Variants in CAPS2 observed in about 807,000 individuals in gnomAD.
CAPS2 encodes calcyphosin-2.
A neutral mutation model predicts 86.5 loss-of-function variants in CAPS2; 98 were observed. That is an observed-to-expected ratio of 1.13 (90% CI 0.96 to 1.34). The LOEUF (loss-of-function observed/expected upper bound fraction) is 1.34. CAPS2 is among the 40% of genes most tolerant of loss of function. The pLI, the probability that CAPS2 is intolerant of heterozygous loss-of-function variation, is 0.00. For synonymous variants in CAPS2, 210 were observed against 225.1 expected (o/e 0.93, Z 0.60); for missense variants, 729 against 686.8 (o/e 1.06, Z -0.69).
chr12:75,361,449 T>A (rs1385340537), intron 1 of CAPS2, among the ~76,000 whole-genome samples: 1 of 152,230 alleles, frequency 6.6e-6, no homozygotes, highest in Non-Finnish European at 1.5e-5. Context: ...CCCAACCCTA[T>A]CTGCCTAGGC....
intron 16 of CAPS2, 147 bp from the exon 17 acceptor site, chr12:75,279,212 G>A: frequency 1.4e-6 from 1 of 735,230 alleles, no homozygotes; most frequent in Non-Finnish European, 2.1e-6. Context: ...ATTTACACAT[G>A]AACTGGAATT....
intron 2 of CAPS2, among the ~76,000 whole-genome samples, chr12:75,324,158 A>G (rs1187041445): frequency 1.3e-5 from 2 of 152,212 alleles, no homozygotes; most frequent in Admixed American, 6.5e-5. Context: ...CAGCCAAGAA[A>G]TCACTCATGT....
At chr12:75,360,938 C>T (rs1038569699) in intron 1 of CAPS2, 2 of 152,196 alleles carry the variant, frequency 1.3e-5, no homozygotes, top group African/African-American at 4.8e-5. Context: ...AGGCCCAACA[C>T]TGTTGCAGTC....
At chr12:75,372,685 C>G (rs2044438153) in intron 1 of CAPS2, among the ~76,000 whole-genome samples, 1 of 152,076 alleles carries the variant, frequency 6.6e-6, no homozygotes, top group African/African-American at 2.4e-5. Flanking sequence ...AGAACTTTGC[C>G]CCAGCTCTGT....
chr12:75,325,336 C>T, intron 1 of CAPS2, 48 bp from the exon 3 acceptor site: 1 of 1,270,106 alleles, frequency 7.9e-7, no homozygotes, highest in Middle Eastern at 2.6e-4. Flanking sequence ...TATGAATATA[C>T]CCTTTATACT....
intron 1 of CAPS2, chr12:75,373,369 T>A (rs991367718): frequency 7.2e-5 from 11 of 152,182 alleles, no homozygotes; most frequent in Non-Finnish European, 1.2e-4. Context: ...GATACATATA[T>A]CTTCAGTTTT....
intron 7 of CAPS2, among the ~76,000 whole-genome samples, chr12:75,308,118 G>A (rs2038723298): frequency 6.6e-6 from 1 of 152,110 alleles, no homozygotes; most frequent in Admixed American, 6.5e-5. Context: ...TTGCATAGAA[G>A]GCTAACTTTG....
intron 5 of CAPS2, among the ~76,000 whole-genome samples, chr12:75,318,905 G>T (rs1199647339): frequency 1.3e-5 from 2 of 152,054 alleles, no homozygotes; most frequent in Non-Finnish European, 2.9e-5. Context: ...CAGTAACTAT[G>T]TGTTGAAAGA....
At chr12:75,309,455 A>G (rs1337348694) in intron 7 of CAPS2, among the ~76,000 whole-genome samples, 1 of 152,210 alleles carries the variant, frequency 6.6e-6, no homozygotes, top group Admixed American at 6.5e-5. Flanking sequence ...TCATCAAAAT[A>G]TAATCCTGTA....
intron 1 of CAPS2, among the ~76,000 whole-genome samples, chr12:75,325,947 G>A (rs551875302): frequency 6.6e-6 from 1 of 151,906 alleles, no homozygotes. Flanking sequence ...CAATCTTATT[G>A]CCAAAAAAAC....
downstream of CAPS2, chr12:75,276,567 G>T: frequency 1.0e-6 from 1 of 976,426 alleles, no homozygotes; most frequent in Non-Finnish European, 1.2e-6. Context: ...TAATGTGATT[G>T]CTCCATCATG....
At chr12:75,308,917 A>AAG (rs1163639791) in intron 7 of CAPS2, among the ~76,000 whole-genome samples, 2 of 151,146 alleles carry the variant, frequency 1.3e-5, no homozygotes, top group Non-Finnish European at 3.0e-5. Flanking sequence ...AAAAAAAAAA[A>AAG]AAAAAAGGGG....
chr12:75,306,186 C>A, intron 7 of CAPS2: 1 of 794,114 alleles, frequency 1.3e-6, no homozygotes. Flanking sequence ...ACCGGCCCGG[C>A]CCCTACGTGG....
At chr12:75,341,170 G>A (rs2042079112) in intron 1 of CAPS2, among the ~76,000 whole-genome samples, 1 of 152,160 alleles carries the variant, frequency 6.6e-6, no homozygotes. Flanking sequence ...AATATTTATG[G>A]ATACTCCCGA....
chr12:75,367,394 T>G (rs2044047667), intron 1 of CAPS2, among the ~76,000 whole-genome samples: 1 of 152,054 alleles, frequency 6.6e-6, no homozygotes, highest in Non-Finnish European at 1.5e-5. Context: ...TAAGCTTGTT[T>G]CCACTTACAA....
intron 1 of CAPS2, among the ~76,000 whole-genome samples, chr12:75,380,711 A>G (rs553962419): frequency 4.2e-4 from 64 of 152,280 alleles, no homozygotes; most frequent in African/African-American, 1.5e-3. Context: ...GCCAAGCACT[A>G]AGTGCCTTAC....
intron 11 of CAPS2, among the ~76,000 whole-genome samples, chr12:75,296,693 A>G (rs1481676874): frequency 6.6e-6 from 1 of 152,174 alleles, no homozygotes; most frequent in Non-Finnish European, 1.5e-5. Flanking sequence ...GTTTAGAAAG[A>G]CTTAATGGGG....
intron 5 of CAPS2, among the ~76,000 whole-genome samples, chr12:75,321,168 G>C (rs909378183): frequency 1.3e-5 from 2 of 152,040 alleles, no homozygotes; most frequent in African/African-American, 4.8e-5. Flanking sequence ...AAACTATATG[G>C]CTATAACTTT....
At chr12:75,365,057 A>G (rs545607299) in intron 1 of CAPS2, 5 of 152,260 alleles carry the variant, frequency 3.3e-5, no homozygotes, top group Admixed American at 3.3e-4. Flanking sequence ...TGAACTAATT[A>G]TATCCCTCAA....
Sources: gnomAD v4.1 joint callset for allele counts (sites outside exome capture counted in the v4.1 genomes callset) on GRCh38, gnomAD v4.1.1 for gene constraint, MANE v1.5 for transcripts, NCBI Gene and HGNC (gene_info 2026-07-23, HGNC 2026-07-21) for gene names.